Variants in DSP observed in about 807,000 individuals in gnomAD.
DSP encodes 250/210 kDa paraneoplastic pemphigus antigen.
Under a neutral mutation model 290.6 loss-of-function variants are expected in DSP, and 114 were observed. The observed-to-expected ratio is 0.39, with a 90% CI of 0.34 to 0.46. DSP has a LOEUF of 0.46. Ranked by LOEUF, DSP falls within the 20% of genes least tolerant of loss-of-function variation. The pLI, the probability that DSP is intolerant of heterozygous loss-of-function variation, is 0.99. For synonymous variants in DSP, 1,311 were observed against 1,316.4 expected, an observed-to-expected ratio of 1.00 and a Z score of 0.09; for missense variants, 3,230 against 3,495.8, an observed-to-expected ratio of 0.92 and a Z score of 1.92.
Position 7,576,969 on chromosome 6 carries a change from G to A in DSP, c.2804G>A (p.Ser935Asn). 6.2e-7 allele frequency: 1 copy of A among 1,613,276 alleles called. No homozygotes were observed. The highest frequency in any genetic ancestry group is 1.3e-5 in the African/African-American group (1 of 75,018). The change falls in exon 20 of 24, where the codon AGT becomes AAT. Residue 935 changes from serine to asparagine, a missense_variant. Ser to Asn is a conservative substitution (Grantham distance 46, BLOSUM62 1). Transcript: ENST00000379802. ...TCACTTTTTGTATAGAACTTGCACAGTGAAATATCTGGCAAACGAGACAAA... is the reference window on the plus strand; with the variant it reads ...TCACTTTTTGTATAGAACTTGCACAATGAAATATCTGGCAAACGAGACAAA... ...RFLNEQKNLHSEISGKRDKSE... is the reference protein window; with the variant it reads ...RFLNEQKNLHNEISGKRDKSE...
In DSP at chr6:7,580,681, G is replaced by A. The variant is rs1339752185; in HGVS notation, c.4491G>A (p.Arg1497=). The part of the protein sequence containing the change: ...KQLIDKETND[R]KCLEDENARL... ...TGATCGACAAAGAAACAAATGACCG[G>A]AAATGCCTGGAAGATGAAAACGCGA... Residue 1497 remains arginine, a synonymous_variant, in exon 23 of 24, where the codon CGG becomes CGA. Coordinates refer to ENST00000379802, the MANE Select transcript of DSP (RefSeq NM_004415.4). This position sits in a 1 kb window ranked among gnomAD's most constrained non-coding sequence, Gnocchi z 4.2. 2 of 1,614,026 alleles carry A rather than the reference G, an allele frequency of 1.2e-6. No individual in the cohort carries two copies. Among genetic ancestry groups the A allele is most frequent in the East Asian group, 2.2e-5 (1 of 44,880 alleles).
In DSP at chr6:7,576,471, T is replaced by A; in HGVS notation, c.2793+15T>A. 1 of 1,614,092 alleles carries A rather than the reference T, an allele frequency of 6.2e-7. No individual in the cohort carries two copies. Among genetic ancestry groups the A allele is most frequent in the Non-Finnish European group, 8.5e-7 (1 of 1,179,972 alleles). ...ATGAGCAGAAGGTATAAGCCAACTT[T>A]TTGTTCCATAGCTGTTTTGAGATTA... On this transcript the variant is annotated intron_variant, in intron 19 of 23. Coordinates refer to ENST00000379802, the MANE Select transcript of DSP (RefSeq NM_004415.4).
At chr6:7,567,991 G>A in intron 10 of DSP, 85 bp downstream of exon 10, 3 of 1,576,632 alleles carry the variant, frequency 1.9e-6, no homozygotes, top group Non-Finnish European at 1.7e-6. Context: ...GCTCTGATTA[G>A]TATTATTGTA....
rs1432340513 is a variant in DSP at position 7,570,470 on chromosome 6, G to T, written c.1608G>T (p.Leu536=). The part of the protein sequence containing the change: ...IEQYYEAILA[L]WNQLYINMKS... ...AGTACTACGAAGCCATCTTGGCTCT[G>T]TGGAACCAGCTCTACATCAACATGA... Residue 536 remains leucine, a synonymous_variant, in exon 13 of 24, where the codon CTG becomes CTT. Coordinates refer to ENST00000379802, the MANE Select transcript of DSP (RefSeq NM_004415.4). 1.9e-6 allele frequency: 3 copies of T among 1,614,154 alleles called. No individual in the cohort carries two copies. The highest frequency in any genetic ancestry group is 2.5e-6 in the Non-Finnish European group (3 of 1,180,038).
intron 4 of DSP, 131 bp downstream of exon 4, chr6:7,559,531 AT>A: frequency 9.0e-7 from 1 of 1,114,830 alleles, no homozygotes. Context: ...TGTTTGCAGG[AT>A]TTTCCTCCTA....
At chr6:7,542,746 A>G (rs924258374) in intron 1 of DSP, among the ~76,000 whole-genome samples, 2 of 152,176 alleles carry the variant, frequency 1.3e-5, no homozygotes, top group Non-Finnish European at 2.9e-5. Context: ...CGGGTCTCGA[A>G]GTTCGGCCGG....
At chr6:7,569,884 C>T (rs1429445765) in intron 12 of DSP, among the ~76,000 whole-genome samples, 1 of 151,766 alleles carries the variant, frequency 6.6e-6, no homozygotes, top group African/African-American at 2.4e-5. Flanking sequence ...GTGAATAATA[C>T]TTGTCATGCA....
intron 1 of DSP, 101 bp downstream of exon 1, chr6:7,542,186 G>T: frequency 6.7e-7 from 1 of 1,482,190 alleles, no homozygotes. Flanking sequence ...AAGGTGGAAA[G>T]GTTTTTTTGC....
Position 7,570,547 on chromosome 6 carries a change from C to G in DSP, c.1685C>G (p.Ala562Gly). ...YCMIDIEKIR[A>G]MTIAKLKTMR... is the part of the protein sequence containing the mutation. Reference sequence around the variant, plus strand: ...ATGATTGACATAGAGAAGATCAGGGCCATGACAATCGCCAAGGTATGTCCT... The same window carrying G: ...ATGATTGACATAGAGAAGATCAGGGGCATGACAATCGCCAAGGTATGTCCT... The change falls in exon 13 of 24, where the codon GCC becomes GGC. Residue 562 changes from alanine to glycine, a missense_variant. By Grantham distance (60) the Ala-to-Gly change is moderately conservative. Coordinates refer to ENST00000379802, the MANE Select transcript of DSP (RefSeq NM_004415.4). 1.2e-6 allele frequency: 2 copies of G among 1,613,310 alleles called. No individual in the cohort carries two copies. The highest frequency in any genetic ancestry group is 1.7e-6 in the Non-Finnish European group (2 of 1,180,020).
In DSP at chr6:7,583,907, A is replaced by G; in HGVS notation, c.6645A>G (p.Gln2215=). The change falls in exon 24 of 24, where the codon CAA becomes CAG. Residue 2215 remains glutamine (Q), a synonymous_variant. Coordinates refer to ENST00000379802, the MANE Select transcript of DSP (RefSeq NM_004415.4). This position sits in a 1 kb window ranked among gnomAD's most constrained non-coding sequence, Gnocchi z 4.0. Reference sequence around the variant, plus strand: ...GCATGTCCTTCCAAGGAATCAGACAACCTGTGACCGTCACTGAGCTAGTAG... The same window carrying G: ...GCATGTCCTTCCAAGGAATCAGACAGCCTGTGACCGTCACTGAGCTAGTAG... ...KRSMSFQGIR[Q]PVTVTELVDS... 1 of 1,614,152 alleles carries G rather than the reference A, an allele frequency of 6.2e-7. No homozygotes were observed. The highest frequency in any genetic ancestry group is 1.6e-4 in the Middle Eastern group (1 of 6,062).
At chr6:7,564,759 T>G (rs1042022082) in intron 6 of DSP, among the ~76,000 whole-genome samples, 58 of 152,148 alleles carry the variant, frequency 3.8e-4, no homozygotes, top group Non-Finnish European at 1.0e-4. Flanking sequence ...CATTATACAT[T>G]GTATACATGT....
At chr6:7,543,677 CTT>C (rs2113634180) in intron 1 of DSP, among the ~76,000 whole-genome samples, 1 of 152,214 alleles carries the variant, frequency 6.6e-6, no homozygotes, top group South Asian at 2.1e-4. Context: ...GCGAAGGACT[CTT>C]TAGTAGCTCT....
At chr6:7,566,264 C>T (rs1255274727) in intron 7 of DSP, 113 bp from the exon 8 acceptor site, 2 of 837,898 alleles carry the variant, frequency 2.4e-6, no homozygotes, top group Non-Finnish European at 4.0e-6. Context: ...GATTCTTTGG[C>T]ATTGTTCATT....
At chr6:7,561,361 A>G (rs1362760780) in intron 4 of DSP, among the ~76,000 whole-genome samples, 2 of 152,144 alleles carry the variant, frequency 1.3e-5, no homozygotes, top group African/African-American at 4.8e-5. Context: ...TGCTTACTGC[A>G]GGTTCGCTCT....
At chr6:7,569,892 G>A (rs1304677110) in intron 12 of DSP, among the ~76,000 whole-genome samples, 1 of 151,834 alleles carries the variant, frequency 6.6e-6, no homozygotes, top group Admixed American at 6.6e-5. Context: ...TACTTGTCAT[G>A]CACTTCAAAG....
intron 14 of DSP, 39 bp downstream of exon 14, chr6:7,571,623 A>G (rs776711544): frequency 1.9e-6 from 3 of 1,612,248 alleles, no homozygotes; most frequent in South Asian, 2.2e-5. Flanking sequence ...TCAACCATCC[A>G]TACCATTTTA....
intron 10 of DSP, 93 bp from the exon 11 acceptor site, chr6:7,568,344 G>T: frequency 1.5e-6 from 2 of 1,379,002 alleles, no homozygotes; most frequent in Admixed American, 3.4e-5. Context: ...GTGATACTCA[G>T]TGTGTCATGT....
In DSP at chr6:7,580,965, A is replaced by G. The variant is rs200421954; in HGVS notation, c.4775A>G (p.Lys1592Arg). 437 of 1,614,116 alleles carry G rather than the reference A, an allele frequency of 2.7e-4. No individual in the cohort carries two copies. The highest frequency in any genetic ancestry group is 4.0e-4 in the Admixed American group (24 of 60,032). Reference protein sequence around the residue: ...RTASEDSCKRKKLEEELEGMR... With the variant: ...RTASEDSCKRRKLEEELEGMR... ...GCGTCAGAAGACTCCTGCAAGAGGA[A>G]GAAGCTGGAGGAAGAGCTGGAAGGC... is the stretch of plus-strand genomic sequence containing the variant. Residue 1592 changes from lysine (K) to arginine (R), a missense_variant, in exon 23 of 24, where the codon AAG becomes AGG. By Grantham distance (26) the Lys-to-Arg change is conservative. Around this residue, in one of 5 missense-constraint regions of DSP, gnomAD observed 1,714 missense variants for 1,844.5 expected, o/e 0.93. Transcript: ENST00000379802. This position sits in a 1 kb window ranked among gnomAD's most constrained non-coding sequence, Gnocchi z 4.2.
intron 1 of DSP, among the ~76,000 whole-genome samples, chr6:7,552,540 G>A (rs1020610614): frequency 1.4e-5 from 2 of 147,544 alleles, no homozygotes; most frequent in Admixed American, 6.9e-5. Context: ...TCCAGCCTGG[G>A]TGACAGAGCA....
Sources: allele counts gnomAD v4.1 joint callset (sites outside exome capture counted in the v4.1 genomes callset), GRCh38; gene constraint gnomAD v4.1.1; regional missense constraint gnomAD v4.1.1; non-coding constraint Gnocchi (gnomAD v3.1); transcripts MANE v1.5; gene names NCBI Gene and HGNC (gene_info 2026-07-23, HGNC 2026-07-21).